Variants in NALF1 observed in about 807,000 individuals in gnomAD.
The protein encoded by NALF1 is family with sequence similarity 155 member A.
NALF1 carries 3 observed loss-of-function variants against 48.4 expected under a neutral mutation model. The ratio of observed to expected loss-of-function variants is 0.06; its 90% CI spans 0.03 to 0.16. The LOEUF is 0.16. Among genes scored for constraint, NALF1 ranks in the 10% least tolerant of loss-of-function variants. The pLI is 1.00. For missense variants in NALF1, 526 were observed against 571.5 expected, an observed-to-expected ratio of 0.92 and a Z score of 0.81; for synonymous variants, 262 against 245.7, an observed-to-expected ratio of 1.07 and a Z score of -0.62.
intron 1 of NALF1, among the ~76,000 whole-genome samples, chr13:107,271,814 A>ATTTATTTATTTATT (rs1555329805): frequency 6.8e-5 from 7 of 102,552 alleles, no homozygotes; most frequent in East Asian, 9.3e-4. Flanking sequence ...ATATATATAT[A>ATTTATTTATTTATT]TATTTATATA....
At chr13:107,292,476 C>G (rs1881641470) in intron 1 of NALF1, among the ~76,000 whole-genome samples, 1 of 148,278 alleles carries the variant, frequency 6.7e-6, no homozygotes, top group South Asian at 2.1e-4. Flanking sequence ...TAGCTTTTAT[C>G]TATATTCCAT....
intron 1 of NALF1, among the ~76,000 whole-genome samples, chr13:107,303,117 T>A (rs576668581): frequency 2.0e-5 from 3 of 152,204 alleles, no homozygotes. Flanking sequence ...CACTGTCATT[T>A]TTATTCGACT....
At chr13:107,586,647 T>TTTTTTTTTTTTTTG (rs1878467245) in intron 1 of NALF1, among the ~76,000 whole-genome samples, 1 of 145,916 alleles carries the variant, frequency 6.9e-6, no homozygotes, top group African/African-American at 2.6e-5. Context: ...TTTTTTTTTT[T>TTTTTTTTTTTTTTG]TTGCTAGGAA....
intron 1 of NALF1, among the ~76,000 whole-genome samples, chr13:107,437,576 C>T (rs948104303): frequency 6.6e-6 from 1 of 152,094 alleles, no homozygotes; most frequent in African/African-American, 2.4e-5. Flanking sequence ...GAAGCAGCTA[C>T]GGACATACAA....
chr13:107,385,564 A>AAAAAAAAAAAAAAAAAAAG (rs1883515401), intron 1 of NALF1, among the ~76,000 whole-genome samples: 1 of 28,606 alleles, frequency 3.5e-5, no homozygotes, highest in Non-Finnish European at 8.4e-5. Context: ...AAAAAAAAAA[A>AAAAAAAAAAAAAAAAAAAG]AAAAAAAAAA....
chr13:107,380,121 T>C (rs565912578), intron 1 of NALF1, among the ~76,000 whole-genome samples: 2 of 152,300 alleles, frequency 1.3e-5, no homozygotes, highest in African/African-American at 2.4e-5. Context: ...TTTATAGTTA[T>C]AGTATCAACT....
At chr13:107,700,039 G>A (rs1453226421) in intron 1 of NALF1, among the ~76,000 whole-genome samples, 1 of 151,796 alleles carries the variant, frequency 6.6e-6, no homozygotes, top group African/African-American at 2.4e-5. Context: ...CCATGTTCAT[G>A]GATCAAAAGA....
chr13:107,392,210 C>A (rs1883638139), intron 1 of NALF1, among the ~76,000 whole-genome samples: 1 of 152,054 alleles, frequency 6.6e-6, no homozygotes, highest in South Asian at 2.1e-4. Flanking sequence ...GTGAATCTTT[C>A]TTTCATGGGG....
At chr13:107,725,220 T>C (rs1287820864) in intron 1 of NALF1, among the ~76,000 whole-genome samples, 1 of 152,238 alleles carries the variant, frequency 6.6e-6, no homozygotes, top group Non-Finnish European at 1.5e-5. Context: ...TATTTCTCTC[T>C]TCAGAGAAAT....
intron 1 of NALF1, among the ~76,000 whole-genome samples, chr13:107,447,167 TC>T (rs1668392955): frequency 6.6e-6 from 1 of 152,188 alleles, no homozygotes; most frequent in African/African-American, 2.4e-5. Flanking sequence ...CTTCCTCTTC[TC>T]CTTGGCCTCC....
At chr13:107,226,470 G>A (rs561060240) in intron 1 of NALF1, among the ~76,000 whole-genome samples, 237 of 152,226 alleles carry the variant, frequency 1.6e-3, no homozygotes, top group African/African-American at 5.5e-3. Flanking sequence ...CTTTCACATG[G>A]TATAAATGCA....
rs986966939 is a variant in NALF1, at chr13:107,492,168, A to G, written c.916-281413T>C. On this transcript the variant is annotated intron_variant, in intron 1 of 2. Transcript: ENST00000375915. ...TGGGTTCATGCAATTCTCCTGCCTC[A>G]GCCTTACGAGTAGCTGGGATTACAG... Among the ~76,000 whole-genome samples, 4 of 150,630 alleles carry G rather than the reference A, an allele frequency of 2.7e-5. No homozygotes were observed. The Admixed American group carries it at 2.7e-4, about 10-fold the overall frequency.
intron 1 of NALF1, among the ~76,000 whole-genome samples, chr13:107,262,768 C>CAGA (rs1372915202): frequency 1.1e-5 from 1 of 92,616 alleles, no homozygotes; most frequent in African/African-American, 3.5e-5. Flanking sequence ...AACCCACAGG[C>CAGA]GCTCTCTCTC....
At chr13:107,623,171 T>C (rs1022901479) in intron 1 of NALF1, among the ~76,000 whole-genome samples, 10 of 152,292 alleles carry the variant, frequency 6.6e-5, no homozygotes, top group African/African-American at 2.2e-4. Context: ...ATACACATAG[T>C]CAACTCTATA....
chr13:107,371,628 T>C (rs1883250346), intron 1 of NALF1, among the ~76,000 whole-genome samples: 2 of 152,162 alleles, frequency 1.3e-5, no homozygotes, highest in South Asian at 2.1e-4. Flanking sequence ...TCAACAAAGA[T>C]GTCTTTTTTA....
intron 1 of NALF1, among the ~76,000 whole-genome samples, chr13:107,564,975 C>G (rs928882721): frequency 6.7e-6 from 1 of 149,786 alleles, no homozygotes; most frequent in Non-Finnish European, 1.5e-5. Context: ...AAAAATTTCC[C>G]CACTTGAAAC....
intron 1 of NALF1, among the ~76,000 whole-genome samples, chr13:107,466,848 TTC>T (rs1395803401): frequency 3.9e-5 from 6 of 152,196 alleles, no homozygotes; most frequent in African/African-American, 1.4e-4. Flanking sequence ...TGGTTTTGTT[TTC>T]TTTCAGGGTG....
At chr13:107,442,670 A>T (rs568155084) in intron 1 of NALF1, among the ~76,000 whole-genome samples, 2 of 152,308 alleles carry the variant, frequency 1.3e-5, no homozygotes, top group East Asian at 3.9e-4. Context: ...TCAATTTTTT[A>T]AAAACTTTTT....
chr13:107,705,125 C>T (rs1391253179), intron 1 of NALF1, among the ~76,000 whole-genome samples: 1 of 152,192 alleles, frequency 6.6e-6, no homozygotes, highest in Non-Finnish European at 1.5e-5. Flanking sequence ...CAGAGGTACT[C>T]TTAAGTACAG....
Sources: allele counts gnomAD v4.1 joint callset (sites outside exome capture counted in the v4.1 genomes callset), GRCh38; gene constraint gnomAD v4.1.1; transcripts MANE v1.5; gene names NCBI Gene and HGNC (gene_info 2026-07-23, HGNC 2026-07-21).